Variants in TTYH2 observed in about 807,000 individuals in gnomAD.
The protein encoded by TTYH2 is protein tweety homolog 2.
TTYH2 carries 49 observed loss-of-function variants against 68.3 expected under a neutral mutation model. That is an observed-to-expected ratio of 0.72 (90% CI 0.57 to 0.91). TTYH2 has a LOEUF of 0.91. TTYH2 is among the 40% of genes least tolerant of loss of function. TTYH2 has a pLI of 0.00. For missense variants in TTYH2, 631 were observed against 700.4 expected (o/e 0.90, Z 1.12); for synonymous variants, 272 against 300.8 (o/e 0.90, Z 0.99).
At position 74,260,260 on chromosome 17, in the gene TTYH2, T is replaced by C; in HGVS notation, c.*51T>C. On this transcript the variant is annotated 3_prime_UTR_variant, in exon 14 of 14. Transcript: ENST00000269346. ...TTTTTCCGTTCTGGTTTTTAATTAG[T>C]GCAAATACAAGCTGCGTTTCTTTAA... 1 of 1,569,666 alleles carries C rather than the reference T, an allele frequency of 6.4e-7. No individual in the cohort carries two copies. The highest frequency in any genetic ancestry group is 8.8e-7 in the Non-Finnish European group (1 of 1,141,292).
Position 74,252,251 on chromosome 17 carries a change from T to G in TTYH2, c.1134T>G (p.Leu378=). Residue 378 remains leucine (L), a synonymous_variant, in exon 11 of 14, where the codon CTT becomes CTG. Transcript: ENST00000269346. ...TCCTCCAGGATTATCTGGACGCTCT[T>G]GCTGGCATCTGCTACGACGGCCTCC... ...RGLHKDYLDA[L]AGICYDGLQG... 6.2e-7 allele frequency: 1 copy of G among 1,613,190 alleles called. No individual in the cohort carries two copies. The highest frequency in any genetic ancestry group is 1.3e-5 in the African/African-American group (1 of 75,050).
Position 74,260,148 on chromosome 17 carries a change from C to A in TTYH2, c.1544C>A (p.Ala515Asp). 1 of 1,613,876 alleles carries A rather than the reference C, an allele frequency of 6.2e-7. No individual in the cohort carries two copies. The highest frequency in any genetic ancestry group is 8.5e-7 in the Non-Finnish European group (1 of 1,179,860). Residue 515 changes from alanine (A) to aspartate (D), a missense_variant, in exon 14 of 14, where the codon GCC becomes GAC. Coordinates refer to ENST00000269346, the MANE Select transcript of TTYH2 (RefSeq NM_032646.6). ...TGGCAGTACTCTCCCAGCATGAGAG[C>A]CACCTACCTGTCTGTGGCGGATGAG... ...PPPTYSPSMR[A>D]TYLSVADEHL...
intron 3 of TTYH2, 54 bp downstream of exon 3, chr17:74,231,053 GGTCAGAGCAAGGGCCCCC>G: frequency 1.3e-6 from 2 of 1,556,928 alleles, no homozygotes; most frequent in Admixed American, 1.7e-5. Flanking sequence ...AGGTCAGCGT[GGTCAGAGCAAGGGCCCCC>G]GTCAGATCCC....
rs1567817488 is a variant in TTYH2, at chr17:74,243,250, C to T, written c.636-124C>T. ...CACGCATGCTGGGTGCTTGCTGGCT[C>T]TGGGCAGCATGTCCATAGTAGAGGG... On this transcript the variant is annotated intron_variant, in intron 4 of 13. Coordinates refer to ENST00000269346, the MANE Select transcript of TTYH2 (RefSeq NM_032646.6). 27 of 790,180 alleles carry T rather than the reference C, an allele frequency of 3.4e-5. No homozygotes were observed. The South Asian group carries it at 4.1e-4, about 12-fold the overall frequency. The allele number at this position is 790,180 out of a possible 1,614,324, so 48.9% of individuals were successfully genotyped here. A position where few individuals can be genotyped will look rare whatever the true frequency, so the allele number is the denominator to read the frequency against.
At chr17:74,227,038 G>A (rs140406663) in intron 2 of TTYH2, among the ~76,000 whole-genome samples, 5,965 of 151,956 alleles carry the variant, frequency 0.039, 386 homozygotes, top group African/African-American at 0.13. Context: ...GCAGTGGCAC[G>A]ATCTCAGCTC....
chr17:74,230,392 G>A (rs575831580), intron 2 of TTYH2, among the ~76,000 whole-genome samples: 8 of 151,880 alleles, frequency 5.3e-5, no homozygotes, highest in Non-Finnish European at 1.2e-4. Flanking sequence ...ACCACACCCA[G>A]CCAACACATG....
rs948725705 is a variant in TTYH2, at chr17:74,215,321, G to T, written c.129+1605G>T. Among the ~76,000 whole-genome samples the T allele has an allele frequency of 6.6e-6, 1 of 152,110 alleles. No individual in the cohort carries two copies. The highest frequency in any genetic ancestry group is 6.5e-5 in the Admixed American group (1 of 15,272). On this transcript the variant is annotated intron_variant, in intron 1 of 13. Transcript: ENST00000269346. This position sits in a 1 kb window ranked among gnomAD's most constrained non-coding sequence, Gnocchi z 4.3. ...TGGGTCAAGAAGACCCCTAGGTGGG[G>T]GTAGGGATGGTAAGGGGACTCCCTC... is the stretch of plus-strand genomic sequence containing the variant.
At chr17:74,252,445 T>C in intron 11 of TTYH2, 69 bp downstream of exon 11, 1 of 1,552,736 alleles carries the variant, frequency 6.4e-7, no homozygotes, top group Non-Finnish European at 8.7e-7. Flanking sequence ...GACAGGGGCC[T>C]CTGCTCTACG....
intron 5 of TTYH2, 143 bp from the exon 6 acceptor site, chr17:74,243,834 T>A: frequency 1.4e-6 from 1 of 736,760 alleles, no homozygotes; most frequent in South Asian, 1.8e-5. Context: ...GGTCCTTTCC[T>A]AGTAGTGAGC....
At chr17:74,248,674 G>C in intron 6 of TTYH2, 1 of 1,179,762 alleles carries the variant, frequency 8.5e-7, no homozygotes. Context: ...GCCCCCAAAG[G>C]TCTGTCCCAG....
chr17:74,259,226 A>T (rs576069957), intron 13 of TTYH2, among the ~76,000 whole-genome samples: 1 of 151,664 alleles, frequency 6.6e-6, no homozygotes, highest in African/African-American at 2.4e-5. Context: ...GTTTTTTTTT[A>T]AGAGAGAGGG....
rs2050495122 is a variant in TTYH2 at position 74,241,069 on chromosome 17, A to C, written c.636-2305A>C. ...GTGTCCCTTGCAGGAAGCTTGATGT[A>C]GACAATGTGGAATTTCTGGGCCAGG... On this transcript the variant is annotated intron_variant, in intron 4 of 13. Transcript: ENST00000269346. This position sits in a 1 kb window ranked among gnomAD's most constrained non-coding sequence, Gnocchi z 4.1. The C allele has an allele frequency of 6.6e-6, 1 of 152,198 alleles. No individual in the cohort carries two copies. The highest frequency in any genetic ancestry group is 1.5e-5 in the Non-Finnish European group (1 of 68,088). 9.4% of individuals were successfully genotyped at this position (152,198 alleles called of 1,614,324 possible).
At chr17:74,253,967 C>T (rs775973866) in intron 13 of TTYH2, 134 bp downstream of exon 13, 13 of 917,306 alleles carry the variant, frequency 1.4e-5, no homozygotes, top group Admixed American at 2.2e-5. Flanking sequence ...TAAACCAGAC[C>T]GTCGTGGGTA....
chr17:74,254,342 A>G (rs539784227), intron 13 of TTYH2, among the ~76,000 whole-genome samples: 1 of 152,144 alleles, frequency 6.6e-6, no homozygotes, highest in African/African-American at 2.4e-5. Flanking sequence ...TAATTTTTGT[A>G]TTTTTAGTAG....
intron 13 of TTYH2, among the ~76,000 whole-genome samples, chr17:74,255,563 TGCCTCA>T (rs1398370653): frequency 6.6e-6 from 1 of 152,160 alleles, no homozygotes; most frequent in Admixed American, 6.5e-5. Flanking sequence ...GTGATTCTCC[TGCCTCA>T]GCCTCCCTAC....
Position 74,250,330 on chromosome 17 carries a change from C to T in TTYH2, c.1089C>T (p.Ala363=), listed in dbSNP as rs774690992. 6.2e-7 allele frequency: 1 copy of T among 1,613,640 alleles called. No homozygotes were observed. The highest frequency in any genetic ancestry group is 1.1e-5 in the South Asian group (1 of 90,906). ...SSESSLHQLT[A]MVDCRGLHKD... The stretch of plus-strand genomic sequence containing the variant: ...AGTCCAGCCTTCACCAGCTGACCGC[C>T]ATGGTGGACTGCCGAGGGCTGCACA... The change falls in exon 10 of 14, where the codon GCC becomes GCT. Residue 363 remains alanine (A), a synonymous_variant. Transcript: ENST00000269346.
rs569262184 is a variant in TTYH2 at position 74,214,220 on chromosome 17, C to A, written c.129+504C>A. ...CTCCCGAGTCGGTCTTCGCAGCACCCCTCCTCCCCAGCCCCGGCCTGCAGG... is the reference window on the plus strand; with the variant it reads ...CTCCCGAGTCGGTCTTCGCAGCACCACTCCTCCCCAGCCCCGGCCTGCAGG... On this transcript the variant is annotated intron_variant, in intron 1 of 13. Transcript: ENST00000269346. This position sits in a 1 kb window ranked among gnomAD's most constrained non-coding sequence, Gnocchi z 4.6. Among the ~76,000 whole-genome samples, 6 of 152,098 alleles carry A rather than the reference C, an allele frequency of 3.9e-5. No individual in the cohort carries two copies. Among genetic ancestry groups the A allele is most frequent in the Non-Finnish European group, 8.8e-5 (6 of 68,006 alleles).
chr17:74,238,617 A>G (rs917562741), intron 4 of TTYH2, among the ~76,000 whole-genome samples: 8 of 152,140 alleles, frequency 5.3e-5, no homozygotes, highest in African/African-American at 1.9e-4. Context: ...CTATAATCCC[A>G]GCACTTTGGG....
At chr17:74,230,819 T>C in intron 2 of TTYH2, 69 bp from the exon 3 acceptor site, 1 of 1,540,442 alleles carries the variant, frequency 6.5e-7, no homozygotes, top group African/African-American at 1.4e-5. Flanking sequence ...CCTAAGCTTA[T>C]TTTTTAATAT....
Sources: allele counts gnomAD v4.1 joint callset (sites outside exome capture counted in the v4.1 genomes callset), GRCh38; gene constraint gnomAD v4.1.1; non-coding constraint Gnocchi (gnomAD v3.1); transcripts MANE v1.5; gene names NCBI Gene and HGNC (gene_info 2026-07-23, HGNC 2026-07-21).